Variants in EMC8 observed in about 807,000 individuals in gnomAD.
The protein encoded by EMC8 is ER membrane protein complex subunit 8.
Under a neutral mutation model 24.3 loss-of-function variants are expected in EMC8, and 11 were observed. The observed-to-expected ratio is 0.45, with a 90% confidence interval of 0.28 to 0.75. The LOEUF (loss-of-function observed/expected upper bound fraction) is 0.75. EMC8 is among the 30% of genes least tolerant of loss of function. The pLI is 0.12. For missense variants in EMC8, 277 were observed against 282.7 expected, an observed-to-expected ratio of 0.98 and a Z score of 0.14; for synonymous variants, 145 against 117.7, an observed-to-expected ratio of 1.23 and a Z score of -1.50.
chr16:85,782,396 C>T (rs1199063741), intron 2 of EMC8, among the ~76,000 whole-genome samples: 3 of 152,246 alleles, frequency 2.0e-5, no homozygotes, highest in Admixed American at 6.5e-5. Flanking sequence ...AGCTCCTCCA[C>T]CATTCCTGCA....
intron 2 of EMC8, 97 bp downstream of exon 2, chr16:85,788,877 T>TCGGTGGTCGC: frequency 1.2e-6 from 1 of 843,378 alleles, no homozygotes; most frequent in Non-Finnish European, 2.1e-6. Context: ...GGTGTAGGTC[T>TCGGTGGTCGC]CACAGGTTTC....
At chr16:85,779,935 GAGA>G in intron 4 of EMC8, 68 bp from the exon 5 acceptor site, 1 of 1,360,726 alleles carries the variant, frequency 7.3e-7, no homozygotes, top group Non-Finnish European at 1.0e-6. Flanking sequence ...AGCATCAAGA[GAGA>G]AGGCCAGCCA....
chr16:85,790,858 G>A (rs1904976140), intron 1 of EMC8, among the ~76,000 whole-genome samples: 1 of 151,586 alleles, frequency 6.6e-6, no homozygotes, highest in South Asian at 2.1e-4. Context: ...TGAGAGTCTC[G>A]CTCCGTTGTC....
Position 85,799,094 on chromosome 16 carries a change from C to T in EMC8, c.202G>A (p.Ala68Thr). ...GTGAGAGCCACCTCCAGCATGGGGG[C>T]GAGGGCCAGGGTGCCGTGGAAGAGG... Reference protein sequence around the residue: ...IPLFHGTLALAPMLEVALTLI... With the variant: ...IPLFHGTLALTPMLEVALTLI... The change falls in exon 1 of 5, where the codon GCC becomes ACC. Residue 68 changes from alanine (A) to threonine (T), a missense_variant. Transcript: ENST00000253457. This position sits in a 1 kb window ranked among gnomAD's most constrained non-coding sequence, Gnocchi z 4.2. 1.9e-6 allele frequency: 3 copies of T among 1,566,058 alleles called. No homozygotes were observed. The highest frequency in any genetic ancestry group is 2.6e-6 in the Non-Finnish European group (3 of 1,155,454).
At position 85,799,425 on chromosome 16, in the gene EMC8, C is replaced by CG. The variant is rs1277099812; in HGVS notation, c.-131dup. On this transcript the variant is annotated 5_prime_UTR_variant, in exon 1 of 5. Transcript: ENST00000253457. The surrounding 1 kb of genome is among the most constrained non-coding windows in gnomAD (Gnocchi z 4.2). The stretch of plus-strand genomic sequence containing the variant: ...GATTGATGGCGCGGCCGCGGGCTGG[C>CG]GGGGGACCCTTCAGGCCCGGCCCCG... 107 of 499,244 alleles carry CG rather than the reference C, an allele frequency of 2.1e-4. No individual in the cohort carries two copies. Among genetic ancestry groups the CG allele is most frequent in the Admixed American group, 2.7e-4 (6 of 21,922 alleles). The allele number at this position is 499,244 out of a possible 1,614,324, so 30.9% of individuals were successfully genotyped here.
intron 1 of EMC8, among the ~76,000 whole-genome samples, chr16:85,798,114 GTTTTTTTTTT>G (rs1163747067): frequency 1.4e-5 from 1 of 72,152 alleles, no homozygotes; most frequent in Non-Finnish European, 2.4e-5. Flanking sequence ...ACAGAAATTC[GTTTTTTTTTT>G]TTTTTTTTTT....
At chr16:85,786,448 G>A (rs991912205) in intron 2 of EMC8, among the ~76,000 whole-genome samples, 1 of 152,152 alleles carries the variant, frequency 6.6e-6, no homozygotes, top group Admixed American at 6.5e-5. Flanking sequence ...TTCTCCGGCT[G>A]GTTTCTTCAC....
In EMC8 at chr16:85,791,560, C is replaced by T. The variant is rs1026057754; in HGVS notation, c.232-2510G>A. 1.2e-4 allele frequency among the ~76,000 whole-genome samples: 18 copies of T among 152,258 alleles called. No homozygotes were observed. The East Asian group carries it at 1.3e-3, about 11-fold the overall frequency. On this transcript the variant is annotated intron_variant, in intron 1 of 4. Transcript: ENST00000253457. ...TTCAACTCCCACTTATGACAACATGCGGTGTTTGGTTTTCTGTTGCTGTGT... is the reference window on the plus strand; with the variant it reads ...TTCAACTCCCACTTATGACAACATGTGGTGTTTGGTTTTCTGTTGCTGTGT...
chr16:85,799,042 G>T lies in EMC8; in HGVS notation c.231+23C>A. On this transcript the variant is annotated intron_variant, in intron 1 of 4. Coordinates refer to ENST00000253457, the MANE Select transcript of EMC8 (RefSeq NM_006067.5). This position sits in a 1 kb window ranked among gnomAD's most constrained non-coding sequence, Gnocchi z 4.2. ...GGGGAGGCCAGGCTGCCTGCAAGGGGAAGGGGCCCTTTCCGCGCTTACCAG... is the reference window on the plus strand; with the variant it reads ...GGGGAGGCCAGGCTGCCTGCAAGGGTAAGGGGCCCTTTCCGCGCTTACCAG... 2 of 1,480,130 alleles carry T rather than the reference G, an allele frequency of 1.4e-6. No homozygotes were observed. The highest frequency in any genetic ancestry group is 9.2e-7 in the Non-Finnish European group (1 of 1,088,582). The allele number at this position is 1,480,130 out of a possible 1,614,324, so 91.7% of individuals were successfully genotyped here.
intron 3 of EMC8, chr16:85,780,737 T>C (rs1904453562): frequency 5.7e-6 from 3 of 530,492 alleles, no homozygotes; most frequent in South Asian, 2.2e-5. Context: ...GGATTCTGTC[T>C]GAATCAAGGC....
intron 1 of EMC8, among the ~76,000 whole-genome samples, chr16:85,791,471 C>T (rs925149249): frequency 3.9e-5 from 6 of 152,210 alleles, no homozygotes; most frequent in Non-Finnish European, 8.8e-5. Flanking sequence ...CCTCCCCTCG[C>T]TCCCCGGCTC....
rs1905438967 is a variant in EMC8, at chr16:85,799,039, G to C, written c.231+26C>G. The C allele has an allele frequency of 1.4e-6, 2 of 1,465,098 alleles. No homozygotes were observed. Among genetic ancestry groups the C allele is most frequent in the Admixed American group, 4.0e-5 (2 of 49,602 alleles). 90.8% of individuals were successfully genotyped at this position (1,465,098 alleles called of 1,614,324 possible). ...TGAGGGGAGGCCAGGCTGCCTGCAA[G>C]GGGAAGGGGCCCTTTCCGCGCTTAC... On this transcript the variant is annotated intron_variant, in intron 1 of 4. Transcript: ENST00000253457. This position sits in a 1 kb window ranked among gnomAD's most constrained non-coding sequence, Gnocchi z 4.2.
chr16:85,780,882 T>C (rs1055931607), intron 3 of EMC8: 15 of 455,404 alleles, frequency 3.3e-5, no homozygotes, highest in African/African-American at 2.9e-4. Context: ...CTAGAAGGTG[T>C]CTTAACATGG....
intron 1 of EMC8, among the ~76,000 whole-genome samples, chr16:85,797,620 G>A (rs1905291194): frequency 6.6e-6 from 1 of 152,124 alleles, no homozygotes; most frequent in South Asian, 2.1e-4. Context: ...GGAACCTTAC[G>A]CCAGGACTCT....
rs1904405492 is a variant in EMC8 at position 85,779,866 on chromosome 16, C to T, written c.475G>A (p.Asp159Asn). 6.2e-7 allele frequency: 1 copy of T among 1,613,838 alleles called. No individual in the cohort carries two copies. The highest frequency in any genetic ancestry group is 1.3e-5 in the African/African-American group (1 of 75,032). Residue 159 changes from aspartate (D) to asparagine (N), a missense_variant and splice_region_variant, in exon 5 of 5, where the codon GAC becomes AAC. Physicochemically the swap from Asp to Asn is conservative, Grantham distance 23. Transcript: ENST00000253457. Reference sequence around the variant, plus strand: ...GCCTCTGGCCAGTCTTCACAGTAGTCACTACGGGTCAAACATGAAGAAGTC... The same window carrying T: ...GCCTCTGGCCAGTCTTCACAGTAGTTACTACGGGTCAAACATGAAGAAGTC... The part of the protein sequence containing the change: ...NRWRCRDPHH[D>N]YCEDWPEAQR...
intron 1 of EMC8, among the ~76,000 whole-genome samples, chr16:85,798,308 G>C (rs1905361414): frequency 6.6e-6 from 1 of 151,868 alleles, no homozygotes; most frequent in Non-Finnish European, 1.5e-5. Flanking sequence ...TTTTAGTAGA[G>C]AAGGGGTTTC....
At position 85,778,673 on chromosome 16, in the gene EMC8, T is replaced by C. The variant is rs968218691; in HGVS notation, c.*1035A>G. The C allele has an allele frequency of 6.6e-6, 1 of 152,232 alleles. No homozygotes were observed. Among genetic ancestry groups the C allele is most frequent in the South Asian group, 2.1e-4 (1 of 4,832 alleles). 9.4% of individuals were successfully genotyped at this position (152,232 alleles called of 1,614,324 possible). On this transcript the variant is annotated 3_prime_UTR_variant, in exon 5 of 5. Coordinates refer to ENST00000253457, the MANE Select transcript of EMC8 (RefSeq NM_006067.5). ...TTATTGTAGCGATGTCTGAACTTTT[T>C]TCCTATGTGTTAAGAGAAAATAGTG... is the stretch of plus-strand genomic sequence containing the variant.
chr16:85,797,912 G>C lies in EMC8; in HGVS notation c.231+1153C>G, dbSNP rs141156381. Among the ~76,000 whole-genome samples, 978 of 152,182 alleles carry C rather than the reference G, an allele frequency of 6.4e-3. 15 individuals are homozygous for C. Among genetic ancestry groups the C allele is most frequent in the African/African-American group, 0.023 (935 of 41,526 alleles). On this transcript the variant is annotated intron_variant, in intron 1 of 4. Coordinates refer to ENST00000253457, the MANE Select transcript of EMC8 (RefSeq NM_006067.5). ...CTTTTCCTTCAGGTTTTAACAACTCGATGGAATTTATAGATGGTCTTTTTC... is the reference window on the plus strand; with the variant it reads ...CTTTTCCTTCAGGTTTTAACAACTCCATGGAATTTATAGATGGTCTTTTTC...
At chr16:85,799,534 CGCCGGAAAGCAGCCTCTCCAACGCCT>C (rs1160063076) in exon 1 of EMC8, 4 of 376,204 alleles carry the variant, frequency 1.1e-5, no homozygotes, top group South Asian at 1.2e-4. This position sits in a 1 kb window ranked among gnomAD's most constrained non-coding sequence, Gnocchi z 4.2. Flanking sequence ...CGCCCGGCGC[CGCCGGAAAGCAGCCTCTCCAACGCCT>C]GCCGGAAAGC....
Sources: allele counts gnomAD v4.1 joint callset (sites outside exome capture counted in the v4.1 genomes callset), GRCh38; gene constraint gnomAD v4.1.1; non-coding constraint Gnocchi (gnomAD v3.1); transcripts MANE v1.5; gene names NCBI Gene and HGNC (gene_info 2026-07-23, HGNC 2026-07-21).